The following SBF2 variants were observed in gnomAD, a reference collection of about 807,000 sequenced individuals.
SBF2 encodes the protein SET binding factor 2.
Under a neutral mutation model 225.2 loss-of-function variants are expected in SBF2, and 112 were observed. The observed-to-expected ratio is 0.50, with a 90% CI of 0.43 to 0.58. The LOEUF (loss-of-function observed/expected upper bound fraction) is 0.58, where lower values mean the gene tolerates loss of function less well. SBF2 is among the 20% of genes least tolerant of loss of function. SBF2 has a pLI of 0.00. For synonymous variants in SBF2, 763 were observed against 773.3 expected (o/e 0.99, Z 0.22); for missense variants, 1,996 against 2,206.2 (o/e 0.90, Z 1.91).
intron 2 of SBF2, among the ~76,000 whole-genome samples, chr11:10,162,361 G>C (rs1222931053): frequency 6.6e-6 from 1 of 152,090 alleles, no homozygotes; most frequent in African/African-American, 2.4e-5. Flanking sequence ...ATATAATTGA[G>C]AATGACAAAT....
intron 1 of SBF2, among the ~76,000 whole-genome samples, chr11:10,248,638 A>T (rs567403182): frequency 6.6e-6 from 1 of 152,380 alleles, no homozygotes; most frequent in South Asian, 2.1e-4. Flanking sequence ...TTTTACATGC[A>T]AGGTGTGTAA....
Position 10,002,611 on chromosome 11 carries a change from C to G in SBF2, c.698G>C (p.Arg233Thr), listed in dbSNP as rs771014713. 1 of 1,612,780 alleles carries G rather than the reference C, an allele frequency of 6.2e-7. No individual in the cohort carries two copies. The highest frequency in any genetic ancestry group is 1.7e-4 in the Middle Eastern group (1 of 6,054). The change falls in exon 7 of 40, where the codon AGA becomes ACA. Residue 233 changes from arginine to threonine, a missense_variant. Coordinates refer to ENST00000256190, the MANE Select transcript of SBF2 (RefSeq NM_030962.4). ...KVLFHSASFQ[R>T]LSDACRALES... ...CAGGGCTCTACAAGCATCACTAAGT[C>G]TCTGGAAACTTGCAGAATGGAAGAG...
chr11:9,917,290 T>C (rs1040774606), intron 16 of SBF2, among the ~76,000 whole-genome samples: 2 of 151,666 alleles, frequency 1.3e-5, no homozygotes, highest in African/African-American at 2.4e-5. Context: ...TTCCTTGGCC[T>C]CTGTGACCTT....
intron 1 of SBF2, among the ~76,000 whole-genome samples, chr11:10,287,793 A>C (rs1269552624): frequency 1.3e-5 from 2 of 152,018 alleles, no homozygotes; most frequent in African/African-American, 4.8e-5. Context: ...CCTCATTCCC[A>C]CCCACTCGGC....
rs1028815631 is a variant in SBF2 at position 9,778,729 on chromosome 11, C to T, written c.*1689G>A. 6.6e-6 allele frequency: 1 copy of T among 152,640 alleles called. No individual in the cohort carries two copies. Among genetic ancestry groups the T allele is most frequent in the African/African-American group, 2.4e-5 (1 of 41,448 alleles). The allele number at this position is 152,640 out of a possible 1,614,324, so 9.5% of individuals were successfully genotyped here. A position where few individuals can be genotyped will look rare whatever the true frequency, so the allele number is the denominator to read the frequency against. On this transcript the variant is annotated 3_prime_UTR_variant, in exon 40 of 40. Coordinates refer to ENST00000256190, the MANE Select transcript of SBF2 (RefSeq NM_030962.4). ...CCATGTATGAATCCTGAGTGTTACCCTCCTGAATGCTGTGCACTACAGAAT... is the reference window on the plus strand; with the variant it reads ...CCATGTATGAATCCTGAGTGTTACCTTCCTGAATGCTGTGCACTACAGAAT...
chr11:10,259,472 C>T (rs1178654119), intron 1 of SBF2, among the ~76,000 whole-genome samples: 2 of 152,098 alleles, frequency 1.3e-5, no homozygotes, highest in African/African-American at 2.4e-5. Context: ...GTCCTTAGAA[C>T]CTAACTAAGA....
At chr11:10,129,109 T>A (rs531558055) in intron 2 of SBF2, among the ~76,000 whole-genome samples, 7 of 144,118 alleles carry the variant, frequency 4.9e-5, no homozygotes, top group African/African-American at 1.8e-4. Context: ...TCTTTTTTTT[T>A]TTTTTTTTTT....
At position 9,852,698 on chromosome 11, in the gene SBF2, C is replaced by T; in HGVS notation, c.2588G>A (p.Arg863Lys). 6.2e-7 allele frequency: 1 copy of T among 1,613,272 alleles called. No homozygotes were observed. The highest frequency in any genetic ancestry group is 8.5e-7 in the Non-Finnish European group (1 of 1,179,294). ...ETLEAVHRESRRLPPIQKPKI... is the reference protein window; with the variant it reads ...ETLEAVHRESKRLPPIQKPKI... ...TACCTTCTGAATAGGCGGAAGTCTTCTGCTTTCTCGATGTACTGCTTCTAG... is the reference window on the plus strand; with the variant it reads ...TACCTTCTGAATAGGCGGAAGTCTTTTGCTTTCTCGATGTACTGCTTCTAG... Residue 863 changes from arginine (R) to lysine (K), a missense_variant, in exon 21 of 40, where the codon AGA becomes AAA. Arg to Lys is a conservative substitution (Grantham distance 26). Coordinates refer to ENST00000256190, the MANE Select transcript of SBF2 (RefSeq NM_030962.4).
intron 1 of SBF2, among the ~76,000 whole-genome samples, chr11:10,256,433 C>A (rs752600606): frequency 6.6e-6 from 1 of 152,160 alleles, no homozygotes; most frequent in Admixed American, 6.5e-5. Flanking sequence ...AGTTCCTGGG[C>A]CAGGCCAAGC....
intron 1 of SBF2, among the ~76,000 whole-genome samples, chr11:10,274,299 C>G (rs1962780584): frequency 6.6e-6 from 1 of 152,150 alleles, no homozygotes; most frequent in Non-Finnish European, 1.5e-5. Context: ...AGTTTCTGTT[C>G]AGGTACCTAG....
chr11:10,009,659 T>C (rs940053751), intron 6 of SBF2, among the ~76,000 whole-genome samples: 7 of 152,248 alleles, frequency 4.6e-5, no homozygotes, highest in Admixed American at 2.6e-4. Context: ...CAGTCTATCA[T>C]TGATGGACAT....
At chr11:9,888,622 T>A (rs1306128979) in intron 17 of SBF2, among the ~76,000 whole-genome samples, 1 of 152,040 alleles carries the variant, frequency 6.6e-6, no homozygotes, top group Admixed American at 6.6e-5. Flanking sequence ...CTTAATGAAG[T>A]ATCCTTGCTG....
intron 2 of SBF2, among the ~76,000 whole-genome samples, chr11:10,122,277 A>C (rs1483662632): frequency 1.3e-5 from 2 of 152,216 alleles, no homozygotes. Context: ...AGTTAAGATG[A>C]AAAAGGCATT....
chr11:9,874,982 T>C (rs181602177), intron 17 of SBF2, among the ~76,000 whole-genome samples: 2 of 152,354 alleles, frequency 1.3e-5, no homozygotes, highest in East Asian at 3.8e-4. Flanking sequence ...CATTTATTTA[T>C]TGAGGAGAAA....
At chr11:9,904,788 G>A (rs1861996690) in intron 16 of SBF2, among the ~76,000 whole-genome samples, 1 of 152,206 alleles carries the variant, frequency 6.6e-6, no homozygotes, top group African/African-American at 2.4e-5. Context: ...ACTTTGGGAG[G>A]CCGAGGTGAG....
chr11:9,880,346 A>G (rs1859656808), intron 17 of SBF2, among the ~76,000 whole-genome samples: 1 of 152,178 alleles, frequency 6.6e-6, no homozygotes, highest in South Asian at 2.1e-4. Context: ...ATACAATCTA[A>G]ATTTCGCGCT....
intron 1 of SBF2, among the ~76,000 whole-genome samples, chr11:10,252,524 C>T (rs1394229084): frequency 6.6e-6 from 1 of 152,364 alleles, no homozygotes; most frequent in East Asian, 1.9e-4. Flanking sequence ...CAAACGCTGG[C>T]CGGGCGCGGT....
intron 6 of SBF2, among the ~76,000 whole-genome samples, chr11:10,008,564 A>G (rs1948301022): frequency 6.7e-6 from 1 of 149,300 alleles, no homozygotes; most frequent in Non-Finnish European, 1.5e-5. Context: ...GCTCCCTCCA[A>G]TTTGCCCTAG....
At chr11:10,245,675 T>C (rs145024656) in intron 1 of SBF2, among the ~76,000 whole-genome samples, 3 of 152,150 alleles carry the variant, frequency 2.0e-5, no homozygotes, top group African/African-American at 7.2e-5. Flanking sequence ...AATCAAGATA[T>C]CAAAAAGATA....
Sources: gnomAD v4.1 joint callset for allele counts (sites outside exome capture counted in the v4.1 genomes callset) on GRCh38, gnomAD v4.1.1 for gene constraint, MANE v1.5 for transcripts, NCBI Gene and HGNC (gene_info 2026-07-23, HGNC 2026-07-21) for gene names.